The following OR9Q1 variants were observed in gnomAD, a reference collection of about 807,000 sequenced individuals.
OR9Q1 encodes the protein olfactory receptor 9Q1.
For missense variants in OR9Q1, 374 were observed against 378.8 expected, an observed-to-expected ratio of 0.99 and a Z score of 0.11; for synonymous variants, 153 against 148.6, an observed-to-expected ratio of 1.03 and a Z score of -0.22.
intron 2 of OR9Q1, among the ~76,000 whole-genome samples, chr11:58,079,580 A>G (rs1853570031): frequency 6.6e-6 from 1 of 152,126 alleles, no homozygotes; most frequent in African/African-American, 2.4e-5. Context: ...TTACTTTGAT[A>G]GAGTGTGGTG....
rs553229809 is a variant in OR9Q1, at chr11:58,146,271, T to G, written c.-14-33160T>G. 2.6e-5 allele frequency among the ~76,000 whole-genome samples: 4 copies of G among 152,344 alleles called. No homozygotes were observed. In the South Asian group the frequency reaches 8.3e-4, roughly 32 times the overall value. On this transcript the variant is annotated intron_variant, in intron 2 of 2. Coordinates refer to ENST00000335397, the MANE Select transcript of OR9Q1 (RefSeq NM_001005212.4). ...TAATGAAAACCATTATCTACTTTTATCTCCTTTAGGACATTTACTCTATTG... is the reference window on the plus strand; with the variant it reads ...TAATGAAAACCATTATCTACTTTTAGCTCCTTTAGGACATTTACTCTATTG...
At chr11:58,112,075 G>A (rs1166944731) in intron 2 of OR9Q1, among the ~76,000 whole-genome samples, 1 of 151,890 alleles carries the variant, frequency 6.6e-6, no homozygotes, top group Non-Finnish European at 1.5e-5. Flanking sequence ...ATCACCTGAG[G>A]TCAGGAGTTT....
chr11:58,096,224 G>A (rs910697926), intron 2 of OR9Q1, among the ~76,000 whole-genome samples: 2 of 148,232 alleles, frequency 1.3e-5, no homozygotes, highest in Non-Finnish European at 1.5e-5. Flanking sequence ...CTTTATTGAG[G>A]TATAATTTAC....
chr11:58,042,504 T>C (rs1390412704), intron 1 of OR9Q1, among the ~76,000 whole-genome samples: 3 of 151,724 alleles, frequency 2.0e-5, no homozygotes, highest in Non-Finnish European at 4.4e-5. Flanking sequence ...CATTGATCTA[T>C]ATCACTGTTT....
intron 1 of OR9Q1, among the ~76,000 whole-genome samples, chr11:58,039,239 T>G (rs1477512638): frequency 6.6e-6 from 1 of 152,218 alleles, no homozygotes; most frequent in Non-Finnish European, 1.5e-5. Context: ...TCCACCCGCC[T>G]TGGCCTCCCC....
chr11:58,124,421 C>G (rs1445965548), intron 2 of OR9Q1: 1 of 152,158 alleles, frequency 6.6e-6, no homozygotes, highest in African/African-American at 2.4e-5. Flanking sequence ...GAGATGGTCC[C>G]TAACACTTGT....
intron 1 of OR9Q1, among the ~76,000 whole-genome samples, chr11:58,046,527 G>A (rs1046948107): frequency 1.3e-5 from 2 of 152,172 alleles, no homozygotes; most frequent in Middle Eastern, 3.2e-3. Context: ...AAAGGAAACT[G>A]CAGGAGGCAT....
intron 2 of OR9Q1, among the ~76,000 whole-genome samples, chr11:58,093,737 A>T (rs1218690215): frequency 7.6e-6 from 1 of 131,982 alleles, no homozygotes; most frequent in East Asian, 2.5e-4. Flanking sequence ...TCCAGCCTGG[A>T]TGACAGAGCG....
rs138643924 is a variant in OR9Q1 at position 58,026,553 on chromosome 11, G to A, written c.-93+2449G>A. Among the ~76,000 whole-genome samples the A allele has an allele frequency of 1.8e-3, 274 of 151,798 alleles. 4 individuals are homozygous for A. In the East Asian group the frequency reaches 0.046, roughly 26 times the overall value. Reference sequence around the variant, plus strand: ...AAAAATTAGCTGGATATGGTGATGCGTGCCTGAAATCCCAGCTACTTGGGA... The same window carrying A: ...AAAAATTAGCTGGATATGGTGATGCATGCCTGAAATCCCAGCTACTTGGGA... On this transcript the variant is annotated intron_variant, in intron 1 of 2. Transcript: ENST00000335397.
At chr11:58,068,211 G>C (rs1853448702) in intron 2 of OR9Q1, among the ~76,000 whole-genome samples, 1 of 151,734 alleles carries the variant, frequency 6.6e-6, no homozygotes, top group Non-Finnish European at 1.5e-5. Flanking sequence ...AGCTGGACAT[G>C]ATGGTAGGTG....
chr11:58,179,038 C>T (rs138042990), intron 2 of OR9Q1, among the ~76,000 whole-genome samples: 1 of 81,610 alleles, frequency 1.2e-5, no homozygotes, highest in Admixed American at 1.2e-4. Context: ...GAGAGAGAGA[C>T]AGGCTCTCAC....
intron 2 of OR9Q1, among the ~76,000 whole-genome samples, chr11:58,086,075 A>G (rs915648232): frequency 3.9e-5 from 6 of 151,958 alleles, no homozygotes; most frequent in Admixed American, 2.0e-4. Flanking sequence ...GCAGACAGAC[A>G]ACACACAGAC....
intron 2 of OR9Q1, chr11:58,078,670 G>A (rs1426827246): frequency 6.6e-6 from 1 of 152,170 alleles, no homozygotes; most frequent in Non-Finnish European, 1.5e-5. Context: ...CTGTGGACAA[G>A]GTATTATTCT....
intron 2 of OR9Q1, among the ~76,000 whole-genome samples, chr11:58,108,131 G>A (rs1042858762): frequency 2.0e-5 from 3 of 152,084 alleles, no homozygotes; most frequent in African/African-American, 7.2e-5. Context: ...AGACATTAGA[G>A]GAAGAGTAGC....
At chr11:58,159,816 C>T (rs568794455) in intron 2 of OR9Q1, among the ~76,000 whole-genome samples, 1 of 152,200 alleles carries the variant, frequency 6.6e-6, no homozygotes, top group Admixed American at 6.5e-5. Context: ...GTGTAGCCCA[C>T]TTAATTTTTA....
At chr11:58,031,071 C>T in intron 1 of OR9Q1, 1 of 1,614,004 alleles carries the variant, frequency 6.2e-7, no homozygotes, top group Non-Finnish European at 8.5e-7. Flanking sequence ...TACCTGTTCA[C>T]CTTGGTGGAG....
At chr11:58,064,540 T>G (rs1853410268) in intron 2 of OR9Q1, among the ~76,000 whole-genome samples, 1 of 152,124 alleles carries the variant, frequency 6.6e-6, no homozygotes, top group African/African-American at 2.4e-5. Context: ...GAGATGTTGC[T>G]GGGAGCCACA....
At chr11:58,095,131 G>A (rs574318863) in intron 2 of OR9Q1, among the ~76,000 whole-genome samples, 5 of 152,322 alleles carry the variant, frequency 3.3e-5, no homozygotes, top group South Asian at 4.1e-4. Context: ...AACCACTGTA[G>A]CAAGAGCTTT....
intron 2 of OR9Q1, among the ~76,000 whole-genome samples, chr11:58,068,339 C>G (rs1853450127): frequency 6.7e-6 from 1 of 149,480 alleles, no homozygotes; most frequent in Non-Finnish European, 1.5e-5. Context: ...GAGTGAGACT[C>G]TGTCTCAAAA....
Sources: allele counts gnomAD v4.1 joint callset (sites outside exome capture counted in the v4.1 genomes callset), GRCh38; gene constraint gnomAD v4.1.1; transcripts MANE v1.5; gene names NCBI Gene and HGNC (gene_info 2026-07-23, HGNC 2026-07-21).